The following IL31RA variants were observed in gnomAD, a reference collection of about 807,000 sequenced individuals.
IL31RA encodes the protein interleukin 31 receptor A.
A neutral mutation model predicts 83.7 loss-of-function variants in IL31RA; 66 were observed. The ratio of observed to expected loss-of-function variants is 0.79; its 90% CI spans 0.65 to 0.97. IL31RA has a LOEUF of 0.97. IL31RA is among the 50% of genes least tolerant of loss of function. The pLI is 0.00. For missense variants in IL31RA, 798 were observed against 919.4 expected (o/e 0.87, Z 1.71); for synonymous variants, 325 against 329.0 (o/e 0.99, Z 0.13).
intron 14 of IL31RA, among the ~76,000 whole-genome samples, chr5:55,916,251 G>A (rs943030052): frequency 5.9e-5 from 9 of 152,062 alleles, no homozygotes; most frequent in Non-Finnish European, 1.2e-4. Context: ...ATGGTGGTGT[G>A]CATCTGTAGC....
At chr5:55,902,909 A>G (rs1294935068) in intron 8 of IL31RA, among the ~76,000 whole-genome samples, 2 of 152,158 alleles carry the variant, frequency 1.3e-5, no homozygotes, top group Non-Finnish European at 2.9e-5. Flanking sequence ...AAGCTTAGTA[A>G]TGTGCCCAAG....
At chr5:55,841,982 G>A in the IL31RA span, among the ~76,000 whole-genome samples, 1 of 151,298 alleles carries the variant, frequency 6.6e-6, no homozygotes, top group East Asian at 1.9e-4. Flanking sequence ...GTCTTGCTAT[G>A]TTGCCCAAGC....
upstream of IL31RA, among the ~76,000 whole-genome samples, chr5:55,851,019 C>T (rs551882508): frequency 2.2e-4 from 33 of 151,912 alleles, no homozygotes; most frequent in African/African-American, 8.0e-4. Context: ...CACTTCAACC[C>T]GGGAGGTGGA....
intron 4 of IL31RA, among the ~76,000 whole-genome samples, chr5:55,872,736 C>T (rs1462381581): frequency 6.6e-6 from 1 of 151,868 alleles, no homozygotes; most frequent in African/African-American, 2.4e-5. Flanking sequence ...TAATTGCACT[C>T]AAAGAAACAA....
Position 55,859,606 on chromosome 5 carries a change from T to TTTACA in IL31RA, c.154+7_154+8insTTACA. The TTTACA allele has an allele frequency of 6.3e-7, 1 of 1,584,742 alleles. No homozygotes were observed. The highest frequency in any genetic ancestry group is 8.7e-7 in the Non-Finnish European group (1 of 1,153,352). On this transcript the variant is annotated splice_region_variant and intron_variant, in intron 2 of 14. Coordinates refer to ENST00000652347, the MANE Select transcript of IL31RA (RefSeq NM_139017.7). ...TGCAAATTCAGCCTGGCAGGTAGGT[T>TTTACA]GACCTGGGCCCTTTTACAGATCATG...
At chr5:55,885,979 G>A (rs986507595) in intron 5 of IL31RA, among the ~76,000 whole-genome samples, 1 of 152,106 alleles carries the variant, frequency 6.6e-6, no homozygotes, top group Non-Finnish European at 1.5e-5. Flanking sequence ...TACAGCTGCT[G>A]GGGGATAGGA....
At chr5:55,862,993 G>A (rs1745781633) in intron 2 of IL31RA, among the ~76,000 whole-genome samples, 3 of 152,218 alleles carry the variant, frequency 2.0e-5, no homozygotes, top group African/African-American at 7.2e-5. Flanking sequence ...TGCCAACAAG[G>A]AGGAAGGCAG....
At chr5:55,869,675 T>C (rs1347493832) in intron 3 of IL31RA, among the ~76,000 whole-genome samples, 1 of 152,142 alleles carries the variant, frequency 6.6e-6, no homozygotes, top group Non-Finnish European at 1.5e-5. Flanking sequence ...GGTTTCACCA[T>C]GTTGGCCAGG....
intron 6 of IL31RA, among the ~76,000 whole-genome samples, chr5:55,893,809 A>ATTTT (rs66540216): frequency 7.9e-6 from 1 of 125,924 alleles, no homozygotes; most frequent in Non-Finnish European, 1.6e-5. Flanking sequence ...CTATGAGATA[A>ATTTT]TTTTTTTTTT....
At chr5:55,844,613 C>G in the IL31RA span, among the ~76,000 whole-genome samples, 1 of 152,060 alleles carries the variant, frequency 6.6e-6, no homozygotes, top group Admixed American at 6.5e-5. Context: ...ATTTATCTCA[C>G]TTGGTGTTCT....
intron 9 of IL31RA, 131 bp downstream of exon 9, chr5:55,906,419 T>C (rs1749163554): frequency 1.1e-6 from 1 of 885,432 alleles, no homozygotes; most frequent in Admixed American, 2.0e-5. Context: ...TGTGCAAGCT[T>C]AATGAAGTGA....
chr5:55,863,770 C>T (rs1049143291), intron 2 of IL31RA, among the ~76,000 whole-genome samples: 5 of 152,228 alleles, frequency 3.3e-5, no homozygotes, highest in African/African-American at 1.2e-4. Context: ...ACCACTTACT[C>T]TTCTCCTGGT....
intron 14 of IL31RA, among the ~76,000 whole-genome samples, chr5:55,916,031 G>A (rs1354352530): frequency 6.6e-6 from 1 of 152,198 alleles, no homozygotes; most frequent in Admixed American, 6.5e-5. Context: ...CTTAACTGGG[G>A]TTTTGTGAAC....
At position 55,912,829 on chromosome 5, in the gene IL31RA, T is replaced by C. The variant is rs1262713120; in HGVS notation, c.1643-648T>C. Among the ~76,000 whole-genome samples the C allele has an allele frequency of 2.0e-5, 3 of 151,786 alleles. No homozygotes were observed. In the East Asian group the frequency reaches 5.9e-4, roughly 30 times the overall value. On this transcript the variant is annotated intron_variant, in intron 12 of 14. Transcript: ENST00000652347. The stretch of plus-strand genomic sequence containing the variant: ...AAAAAGTCTAAAAATTAGCTGGGCA[T>C]GATGGCTTGCACCTGTAAGTCCTAG...
chr5:55,866,701 C>G (rs1173356347), intron 2 of IL31RA: 1 of 152,522 alleles, frequency 6.6e-6, no homozygotes, highest in African/African-American at 2.4e-5. Context: ...CTTGCTGTAC[C>G]TGGTGAAATA....
chr5:55,917,645 A>G lies in IL31RA; in HGVS notation c.*525A>G, dbSNP rs573810797. ...CCTCTCTCCCCATAGTTGGGGCTGG[A>G]GGTGGAGTGGACCTTCCTAAGGGGT... On this transcript the variant is annotated 3_prime_UTR_variant, in exon 15 of 15. Coordinates refer to ENST00000652347, the MANE Select transcript of IL31RA (RefSeq NM_139017.7). Among the ~76,000 whole-genome samples the G allele has an allele frequency of 6.6e-6, 1 of 152,242 alleles. No homozygotes were observed. Among genetic ancestry groups the G allele is most frequent in the Admixed American group, 6.5e-5 (1 of 15,290 alleles).
At position 55,920,145 on chromosome 5, in the gene IL31RA, C is replaced by CAAGG. The variant is rs1271856991; in HGVS notation, c.*3026_*3029dup. 6.6e-6 allele frequency among the ~76,000 whole-genome samples: 1 copy of CAAGG among 152,168 alleles called. No individual in the cohort carries two copies. The highest frequency in any genetic ancestry group is 1.5e-5 in the Non-Finnish European group (1 of 68,036). On this transcript the variant is annotated 3_prime_UTR_variant, in exon 15 of 15. Transcript: ENST00000652347. ...GAGGCAGCGGTGTGAAAACACCACG[C>CAAGG]AAGGGTCTGGAGGAGGCAGGAGATG... is the stretch of plus-strand genomic sequence containing the variant.
At position 55,921,569 on chromosome 5, in the gene IL31RA, C is replaced by T. The variant is rs972419461; in HGVS notation, c.*4449C>T. On this transcript the variant is annotated 3_prime_UTR_variant, in exon 15 of 15. Transcript: ENST00000652347. ...TTGTCACATTTTGCGTGACTGTGTC[C>T]CATCAAAGGTTATGCTGATTTACAG... Among the ~76,000 whole-genome samples the T allele has an allele frequency of 2.6e-5, 4 of 152,176 alleles. No homozygotes were observed. The highest frequency in any genetic ancestry group is 7.2e-5 in the African/African-American group (3 of 41,440).
chr5:55,867,199 T>TTG (rs753774052), intron 2 of IL31RA, among the ~76,000 whole-genome samples: 69,071 of 105,912 alleles, frequency 0.65, 21,531 homozygotes, highest in Middle Eastern at 0.73. Flanking sequence ...TTGTGTGTGT[T>TTG]TGTGTGTGTG....
Sources: allele counts gnomAD v4.1 joint callset (sites outside exome capture counted in the v4.1 genomes callset), GRCh38; gene constraint gnomAD v4.1.1; transcripts MANE v1.5; gene names NCBI Gene and HGNC (gene_info 2026-07-23, HGNC 2026-07-21).